SGCZ: variants seen among roughly 807,000 people sequenced by gnomAD.
SGCZ encodes zeta-sarcoglycan.
Under a neutral mutation model 41.3 loss-of-function variants are expected in SGCZ, and 40 were observed. That is an observed-to-expected ratio of 0.97 (90% CI 0.75 to 1.26). The LOEUF (loss-of-function observed/expected upper bound fraction) is 1.26, where lower values mean the gene tolerates loss of function less well. Among genes scored for constraint, SGCZ ranks in the 50% most tolerant of loss-of-function variants. The pLI, the probability that SGCZ is intolerant of heterozygous loss-of-function variation, is 0.00. For synonymous variants in SGCZ, 206 were observed against 137.5 expected, an observed-to-expected ratio of 1.50 and a Z score of -3.49; for missense variants, 552 against 369.8, an observed-to-expected ratio of 1.49 and a Z score of -4.04.
intron 1 of SGCZ, among the ~76,000 whole-genome samples, chr8:14,564,846 C>T (rs549289236): frequency 6.6e-6 from 1 of 152,142 alleles, no homozygotes; most frequent in Admixed American, 6.5e-5. Context: ...AGCCTACTTA[C>T]CACGGCAATT....
chr8:14,219,912 T>A (rs752783132), intron 4 of SGCZ, among the ~76,000 whole-genome samples: 26 of 152,152 alleles, frequency 1.7e-4, no homozygotes, highest in Non-Finnish European at 3.2e-4. Context: ...TTTCAAGAGT[T>A]CTTTGAATCC....
intron 4 of SGCZ, among the ~76,000 whole-genome samples, chr8:14,205,981 C>A (rs929784607): frequency 6.6e-6 from 1 of 152,008 alleles, no homozygotes; most frequent in Non-Finnish European, 1.5e-5. Flanking sequence ...CCAGATTTAA[C>A]TAAAGAAGTT....
At chr8:14,746,417 A>G (rs184010686) in intron 1 of SGCZ, among the ~76,000 whole-genome samples, 3 of 152,286 alleles carry the variant, frequency 2.0e-5, no homozygotes, top group Admixed American at 2.0e-4. Context: ...ATTTAGTAGT[A>G]AAAAACAATA....
chr8:14,409,995 C>T (rs1799315975), intron 2 of SGCZ, among the ~76,000 whole-genome samples: 3 of 152,182 alleles, frequency 2.0e-5, no homozygotes, highest in Middle Eastern at 6.8e-3. Context: ...GACCAGTAAC[C>T]CTCCATGGCC....
At chr8:14,154,761 T>C (rs149777176) in intron 5 of SGCZ, among the ~76,000 whole-genome samples, 22 of 152,268 alleles carry the variant, frequency 1.4e-4, no homozygotes, top group African/African-American at 5.3e-4. Context: ...TTTGAAGGCT[T>C]ACTCTTCTAA....
At chr8:14,714,961 T>C (rs921464193) in intron 1 of SGCZ, among the ~76,000 whole-genome samples, 6 of 152,164 alleles carry the variant, frequency 3.9e-5, no homozygotes, top group African/African-American at 7.2e-5. Context: ...AATTTCCTTA[T>C]TGATATGATT....
At chr8:14,489,738 C>T (rs1286414847) in intron 2 of SGCZ, among the ~76,000 whole-genome samples, 1 of 146,832 alleles carries the variant, frequency 6.8e-6, no homozygotes, top group Non-Finnish European at 1.5e-5. Flanking sequence ...CTCCCAGTCT[C>T]TGTGAGAGGT....
intron 2 of SGCZ, among the ~76,000 whole-genome samples, chr8:14,530,062 C>T (rs756024547): frequency 1.9e-4 from 29 of 152,008 alleles, no homozygotes; most frequent in Non-Finnish European, 2.9e-4. Context: ...TCTGCCAAAT[C>T]CTTAATCTGA....
intron 1 of SGCZ, among the ~76,000 whole-genome samples, chr8:14,861,400 C>A (rs1285143100): frequency 2.0e-5 from 3 of 151,946 alleles, no homozygotes; most frequent in Non-Finnish European, 4.4e-5. Context: ...CTTTGCACAG[C>A]GGTAAGAATG....
rs1027754095 is a variant in SGCZ at position 14,218,501 on chromosome 8, A to G, written c.424+19091T>C. Among the ~76,000 whole-genome samples the G allele has an allele frequency of 2.7e-4, 41 of 152,226 alleles. 1 individual carries two copies. The highest frequency in any genetic ancestry group is 6.0e-4 in the Non-Finnish European group (41 of 68,042). ...ATCTTGTAAAGACAAAAGTTTCTGA[A>G]AAATTGCTTAATATCAGGTTGATGC... On this transcript the variant is annotated intron_variant, in intron 4 of 7. Transcript: ENST00000382080.
intron 2 of SGCZ, among the ~76,000 whole-genome samples, chr8:14,409,161 A>G (rs1193029385): frequency 6.6e-6 from 1 of 152,124 alleles, no homozygotes; most frequent in Non-Finnish European, 1.5e-5. Context: ...AAAATCAATT[A>G]GTCACTCATT....
At chr8:14,775,610 T>C (rs1178154036) in intron 1 of SGCZ, among the ~76,000 whole-genome samples, 7 of 152,096 alleles carry the variant, frequency 4.6e-5, no homozygotes, top group African/African-American at 1.4e-4. Flanking sequence ...CTTAACCATA[T>C]AACACAGTAC....
intron 1 of SGCZ, among the ~76,000 whole-genome samples, chr8:14,565,505 G>A (rs944928706): frequency 9.2e-5 from 14 of 152,100 alleles, no homozygotes; most frequent in African/African-American, 2.9e-4. Context: ...AACAAAGACA[G>A]TCCACGGGCA....
chr8:14,964,863 T>A (rs372647941), intron 1 of SGCZ, among the ~76,000 whole-genome samples: 2 of 152,122 alleles, frequency 1.3e-5, no homozygotes, highest in East Asian at 3.9e-4. Flanking sequence ...TAGGAAGCTA[T>A]GCAGGTTATG....
intron 1 of SGCZ, among the ~76,000 whole-genome samples, chr8:14,941,649 G>A (rs973520040): frequency 1.3e-5 from 2 of 151,672 alleles, no homozygotes; most frequent in African/African-American, 4.8e-5. Context: ...TATAAACTTT[G>A]CCTAATTCTG....
At chr8:14,497,044 A>G (rs1802008538) in intron 2 of SGCZ, among the ~76,000 whole-genome samples, 1 of 152,312 alleles carries the variant, frequency 6.6e-6, no homozygotes, top group Non-Finnish European at 1.5e-5. Flanking sequence ...TAACACTGAC[A>G]TCCAGCTACC....
chr8:14,659,653 T>G (rs901127856), intron 1 of SGCZ, among the ~76,000 whole-genome samples: 2 of 152,094 alleles, frequency 1.3e-5, no homozygotes, highest in African/African-American at 4.8e-5. Context: ...GAAACCCCCT[T>G]TTATCTATGG....
At chr8:15,005,316 T>G (rs3890614) in intron 1 of SGCZ, among the ~76,000 whole-genome samples, 10 of 38,128 alleles carry the variant, frequency 2.6e-4, no homozygotes, top group South Asian at 1.4e-3. Context: ...CCTCCCCCGT[T>G]TTTTTCTTTT....
chr8:14,581,408 C>T (rs1171248113), intron 1 of SGCZ, among the ~76,000 whole-genome samples: 2 of 152,092 alleles, frequency 1.3e-5, no homozygotes, highest in African/African-American at 2.4e-5. Context: ...GCCACTGCGC[C>T]CGGCCTTTGC....
Sources: allele counts gnomAD v4.1 joint callset (sites outside exome capture counted in the v4.1 genomes callset), GRCh38; gene constraint gnomAD v4.1.1; transcripts MANE v1.5; gene names NCBI Gene and HGNC (gene_info 2026-07-23, HGNC 2026-07-21).